Variants in RCAN2 observed in about 807,000 individuals in gnomAD.
RCAN2 encodes regulator of calcineurin 2.
Under a neutral mutation model 23.6 loss-of-function variants are expected in RCAN2, and 9 were observed. The ratio of observed to expected loss-of-function variants is 0.38; its 90% CI spans 0.23 to 0.67. The LOEUF is 0.67. RCAN2 is among the 30% of genes least tolerant of loss of function. The pLI, the probability that RCAN2 is intolerant of heterozygous loss-of-function variation, is 0.51. For synonymous variants in RCAN2, 109 were observed against 115.7 expected, an observed-to-expected ratio of 0.94 and a Z score of 0.37; for missense variants, 273 against 302.3, an observed-to-expected ratio of 0.90 and a Z score of 0.72.
chr6:46,415,498 T>A (rs758058181), intron 2 of RCAN2, among the ~76,000 whole-genome samples: 6 of 152,070 alleles, frequency 3.9e-5, no homozygotes, highest in African/African-American at 7.2e-5. Context: ...CACATGTGAG[T>A]GAATAGATTC....
chr6:46,484,417 C>T (rs1013849733), intron 1 of RCAN2, among the ~76,000 whole-genome samples: 2 of 152,140 alleles, frequency 1.3e-5, no homozygotes, highest in African/African-American at 2.4e-5. Flanking sequence ...CTGTCTGAAG[C>T]TTGCCCAAAA....
At chr6:46,327,562 A>T (rs1387733034) in intron 2 of RCAN2, among the ~76,000 whole-genome samples, 23 of 152,232 alleles carry the variant, frequency 1.5e-4, no homozygotes, top group Admixed American at 1.5e-3. Flanking sequence ...CTACCTGTAC[A>T]AGTGTAGCTA....
intron 2 of RCAN2, among the ~76,000 whole-genome samples, chr6:46,269,996 C>T (rs1767471958): frequency 6.6e-6 from 1 of 152,162 alleles, no homozygotes; most frequent in South Asian, 2.1e-4. Context: ...TATTCTCATG[C>T]AGGGACTCAG....
intron 2 of RCAN2, among the ~76,000 whole-genome samples, chr6:46,340,362 T>G (rs1582121735): frequency 6.6e-6 from 1 of 152,198 alleles, no homozygotes; most frequent in Non-Finnish European, 1.5e-5. Flanking sequence ...CACCCAAGGT[T>G]TGTGCTCCCC....
intron 2 of RCAN2, among the ~76,000 whole-genome samples, chr6:46,354,893 ATATATGTGTGTGTGTGTG>A (rs1290134130): frequency 7.6e-6 from 1 of 132,238 alleles, no homozygotes; most frequent in Non-Finnish European, 1.6e-5. Context: ...GAAAAAGATT[ATATATGTGTGTGTGTGTG>A]TGTGTGTGTG....
At chr6:46,324,887 A>C (rs1763740116) in intron 2 of RCAN2, among the ~76,000 whole-genome samples, 1 of 152,256 alleles carries the variant, frequency 6.6e-6, no homozygotes, top group South Asian at 2.1e-4. Flanking sequence ...TTTGATTTCC[A>C]GAAAGCTGGG....
chr6:46,386,094 C>T (rs557537058), intron 2 of RCAN2, among the ~76,000 whole-genome samples: 8 of 151,970 alleles, frequency 5.3e-5, no homozygotes, highest in African/African-American at 1.4e-4. Flanking sequence ...ACCTAGAGAA[C>T]GGGAGAACAT....
At chr6:46,336,953 C>CAA (rs3084607) in intron 2 of RCAN2, among the ~76,000 whole-genome samples, 3,579 of 130,294 alleles carry the variant, frequency 0.027, 161 homozygotes, top group South Asian at 0.17. Flanking sequence ...TTGGAAGTAC[C>CAA]AAAAAAAAAA....
chr6:46,432,197 T>C (rs1161854211), intron 2 of RCAN2, among the ~76,000 whole-genome samples: 1 of 151,838 alleles, frequency 6.6e-6, no homozygotes, highest in Non-Finnish European at 1.5e-5. Context: ...GTTTTGGGGG[T>C]TTTTTGTTTT....
chr6:46,256,593 G>A (rs1766925695), intron 2 of RCAN2, among the ~76,000 whole-genome samples: 1 of 152,084 alleles, frequency 6.6e-6, no homozygotes, highest in African/African-American at 2.4e-5. Context: ...TAAGTAGTCT[G>A]AGATGTACGG....
At chr6:46,261,813 T>C (rs561177700) in intron 2 of RCAN2, among the ~76,000 whole-genome samples, 101 of 152,306 alleles carry the variant, frequency 6.6e-4, no homozygotes, top group African/African-American at 2.3e-3. Flanking sequence ...TCTGTAAAGG[T>C]TTAATCATGT....
intron 1 of RCAN2, among the ~76,000 whole-genome samples, chr6:46,461,023 C>CA: frequency 6.6e-6 from 1 of 152,022 alleles, no homozygotes; most frequent in African/African-American, 2.4e-5. Flanking sequence ...TGGAAAATAG[C>CA]AAAAATAACA....
At chr6:46,244,173 G>A (rs757062565) in intron 4 of RCAN2, among the ~76,000 whole-genome samples, 1 of 152,200 alleles carries the variant, frequency 6.6e-6, no homozygotes, top group Non-Finnish European at 1.5e-5. Flanking sequence ...GAAGGTGGGT[G>A]CTATAGATTA....
At chr6:46,284,675 C>A (rs2150341137) in intron 2 of RCAN2, among the ~76,000 whole-genome samples, 1 of 152,282 alleles carries the variant, frequency 6.6e-6, no homozygotes, top group African/African-American at 2.4e-5. Context: ...CAGGCTGGTG[C>A]CCGAGTGAGT....
rs185966215 is a variant in RCAN2, at chr6:46,348,112, C to G, written c.226-99216G>C. On this transcript the variant is annotated intron_variant, in intron 2 of 4. Coordinates refer to ENST00000371374, the MANE Select transcript of RCAN2 (RefSeq NM_001251974.2). ...TCCATCGATGGCATATCTAGTAACCCAATTGAAATCATGTTTGTGTCTCTT... is the reference window on the plus strand; with the variant it reads ...TCCATCGATGGCATATCTAGTAACCGAATTGAAATCATGTTTGTGTCTCTT... Among the ~76,000 whole-genome samples, 173 of 152,172 alleles carry G rather than the reference C, an allele frequency of 1.1e-3. 1 individual carries two copies. Among genetic ancestry groups the G allele is most frequent in the African/African-American group, 3.9e-3 (161 of 41,498 alleles).
At chr6:46,288,524 A>T (rs1250417166) in intron 2 of RCAN2, among the ~76,000 whole-genome samples, 1 of 152,220 alleles carries the variant, frequency 6.6e-6, no homozygotes, top group Non-Finnish European at 1.5e-5. Flanking sequence ...CAACCTATGG[A>T]TGATTTGAGG....
At chr6:46,395,003 G>C (rs897139121) in intron 2 of RCAN2, among the ~76,000 whole-genome samples, 3 of 152,140 alleles carry the variant, frequency 2.0e-5, no homozygotes, top group Non-Finnish European at 2.9e-5. Flanking sequence ...TTAGCAACTA[G>C]AAGGAAGAGT....
chr6:46,328,789 T>G (rs140122302), intron 2 of RCAN2, among the ~76,000 whole-genome samples: 1 of 152,318 alleles, frequency 6.6e-6, no homozygotes, highest in Admixed American at 6.5e-5. Context: ...TTTTGTATTT[T>G]TAGAAGAGAT....
intron 2 of RCAN2, among the ~76,000 whole-genome samples, chr6:46,450,283 GA>G (rs912115796): frequency 2.0e-5 from 3 of 151,864 alleles, no homozygotes; most frequent in East Asian, 1.9e-4. Flanking sequence ...ATGGCTACTG[GA>G]AAAAAGGTGA....
Sources: gnomAD v4.1 joint callset for allele counts (sites outside exome capture counted in the v4.1 genomes callset) on GRCh38, gnomAD v4.1.1 for gene constraint, MANE v1.5 for transcripts, NCBI Gene and HGNC (gene_info 2026-07-23, HGNC 2026-07-21) for gene names.